The following CC2D1A variants were observed in gnomAD, a reference collection of about 807,000 sequenced individuals.
CC2D1A encodes the protein coiled-coil and C2 domain-containing protein 1A.
Under a neutral mutation model 123.8 loss-of-function variants are expected in CC2D1A, and 68 were observed. That is an observed-to-expected ratio of 0.55 (90% CI 0.45 to 0.67). CC2D1A has a LOEUF of 0.67. Ranked by LOEUF, CC2D1A falls within the 30% of genes least tolerant of loss-of-function variation. CC2D1A has a pLI of 0.00. For missense variants in CC2D1A, 1,185 were observed against 1,290.3 expected (o/e 0.92, Z 1.25); for synonymous variants, 477 against 528.0 (o/e 0.90, Z 1.32).
chr19:13,930,380 G>A lies in CC2D1A; in HGVS notation c.2841G>A (p.Gln947=). 1 of 1,613,008 alleles carries A rather than the reference G, an allele frequency of 6.2e-7. No homozygotes were observed. Among genetic ancestry groups the A allele is most frequent in the Non-Finnish European group, 8.5e-7 (1 of 1,179,394 alleles). ...AGTGGCCTCCTCTCCCCCAGCTGCA[G>A]CGGCTCCGCAGGTGAGGAGCCCATG... is the stretch of plus-strand genomic sequence containing the variant. ...YRRNLVESEL[Q]RLRR Residue 947 remains glutamine, a synonymous_variant, in exon 29 of 29, where the codon CAG becomes CAA. Transcript: ENST00000318003. This position sits in a 1 kb window ranked among gnomAD's most constrained non-coding sequence, Gnocchi z 6.8.
chr19:13,915,717 GCTC>G (rs1326518261), intron 6 of CC2D1A, among the ~76,000 whole-genome samples: 2 of 152,118 alleles, frequency 1.3e-5, no homozygotes, highest in Non-Finnish European at 1.5e-5. Context: ...TTTAGTCCCA[GCTC>G]CTCGAGAAGC....
intron 6 of CC2D1A, 44 bp from the exon 7 acceptor site, chr19:13,918,026 G>A (rs1010933591): frequency 5.9e-5 from 94 of 1,600,362 alleles, no homozygotes; most frequent in Non-Finnish European, 7.7e-5. Flanking sequence ...CGGTGAACTT[G>A]GCCCAGGCCC....
Position 13,906,490 on chromosome 19 carries a change from G to A in CC2D1A, c.49G>A (p.Ala17Thr). Residue 17 changes from alanine (A) to threonine (T), a missense_variant, in exon 1 of 29, where the codon GCC (alanine) becomes ACC (threonine). Physicochemically the swap from Ala to Thr is moderately conservative, Grantham distance 58 (BLOSUM62 0). Coordinates refer to ENST00000318003, the MANE Select transcript of CC2D1A (RefSeq NM_017721.5). This position sits in a 1 kb window ranked among gnomAD's most constrained non-coding sequence, Gnocchi z 4.1. The stretch of plus-strand genomic sequence containing the variant: ...GGGACCCCCGGGCAGAGGCGCCGCG[G>A]CCGCCCGCCAGGTGAGTTTGCGCCC... ...PPGPPGRGAAAARQLGLLVDL... is the reference protein window; with the variant it reads ...PPGPPGRGAATARQLGLLVDL... 1 of 1,495,984 alleles carries A rather than the reference G, an allele frequency of 6.7e-7. No individual in the cohort carries two copies. Among genetic ancestry groups the A allele is most frequent in the South Asian group, 1.3e-5 (1 of 79,688 alleles). The allele number at this position is 1,495,984 out of a possible 1,614,324, so 92.7% of individuals were successfully genotyped here. A position where few individuals can be genotyped will look rare whatever the true frequency, so the allele number is the denominator to read the frequency against.
At chr19:13,908,067 G>A (rs1217710198) in intron 1 of CC2D1A, among the ~76,000 whole-genome samples, 2 of 152,098 alleles carry the variant, frequency 1.3e-5, no homozygotes, top group Non-Finnish European at 2.9e-5. Flanking sequence ...GTGCAGTGGC[G>A]CAATCTCGGC....
rs1042762187 is a variant in CC2D1A, at chr19:13,918,056, G to C, written c.749-14G>C. On this transcript the variant is annotated splice_polypyrimidine_tract_variant and intron_variant, in intron 6 of 28. Transcript: ENST00000318003. ...AGGCCCTGGAGGCTTCCTGTATGTT[G>C]TTCTCCCTTCCAGGTCCCTGCAGCC... is the stretch of plus-strand genomic sequence containing the variant. 1.9e-6 allele frequency: 3 copies of C among 1,612,784 alleles called. No homozygotes were observed.
Position 13,927,052 on chromosome 19 carries a change from A to G in CC2D1A, c.2200A>G (p.Ile734Val), listed in dbSNP as rs1971669485. 6.2e-7 allele frequency: 1 copy of G among 1,613,976 alleles called. No homozygotes were observed. Among genetic ancestry groups the G allele is most frequent in the Admixed American group, 1.7e-5 (1 of 59,984 alleles). The change falls in exon 21 of 29, where the codon ATC (isoleucine) becomes GTC (valine). Residue 734 changes from isoleucine to valine, a missense_variant. Coordinates refer to ENST00000318003, the MANE Select transcript of CC2D1A (RefSeq NM_017721.5). ...GFRRAIQTKG[I>V]KFEVVHKGGL... ...CCGAAGGGCCATCCAGACCAAGGGC[A>G]TCAAGTTCGAAGTGGTTCACAAGGG...
chr19:13,920,222 GT>G, intron 12 of CC2D1A: 1 of 511,942 alleles, frequency 2.0e-6, no homozygotes, highest in Non-Finnish European at 3.4e-6. Context: ...CTGTACGCCA[GT>G]CTGGGTGACA....
At chr19:13,926,908 C>G (rs1250751718) in intron 20 of CC2D1A, 36 bp downstream of exon 20, 1 of 1,612,920 alleles carries the variant, frequency 6.2e-7, no homozygotes, top group Admixed American at 1.7e-5. Context: ...CCCCTACTCC[C>G]TTGCAGCAGA....
chr19:13,909,547 C>T, intron 1 of CC2D1A: 1 of 468,946 alleles, frequency 2.1e-6, no homozygotes, highest in East Asian at 4.6e-5. Context: ...GCCTGCTTTT[C>T]CCACTGAACT....
rs1971343346 is a variant in CC2D1A, at chr19:13,919,727, T to C, written c.1223-91T>C. ...AAAAAAGTAAAGGCCCAAGACTCTATAGGTGGGAGAGGAATCTGCATCTCC... is the reference window on the plus strand; with the variant it reads ...AAAAAAGTAAAGGCCCAAGACTCTACAGGTGGGAGAGGAATCTGCATCTCC... On this transcript the variant is annotated intron_variant, in intron 11 of 28. Transcript: ENST00000318003. The C allele has an allele frequency of 1.3e-5, 17 of 1,355,430 alleles. No individual in the cohort carries two copies. In the South Asian group the frequency reaches 2.5e-4, roughly 20 times the overall value. The allele number at this position is 1,355,430 out of a possible 1,614,324, so 84.0% of individuals were successfully genotyped here.
Position 13,929,541 on chromosome 19 carries a change from C to A in CC2D1A, c.2591C>A (p.Ala864Asp). The change falls in exon 26 of 29, where the codon GCC (alanine) becomes GAC (aspartate). Residue 864 changes from alanine to aspartate, a missense_variant. Ala to Asp is a moderately radical substitution (Grantham distance 126). Transcript: ENST00000318003. ...ACCCTCTGTATCCTCTAGATCCTGG[C>A]CCTCAGGCAGGCGCGGCGGCCGGTG... is the stretch of plus-strand genomic sequence containing the variant. ...DQERLERKIL[A>D]LRQARRPVPP... is the part of the protein sequence containing the mutation. The A allele has an allele frequency of 1.2e-6, 2 of 1,611,866 alleles. No individual in the cohort carries two copies. The highest frequency in any genetic ancestry group is 1.7e-6 in the Non-Finnish European group (2 of 1,179,800).
intron 6 of CC2D1A, among the ~76,000 whole-genome samples, chr19:13,914,973 CAA>C (rs1319821521): frequency 6.6e-6 from 1 of 152,240 alleles, no homozygotes; most frequent in Non-Finnish European, 1.5e-5. Context: ...TGGCAGGAAG[CAA>C]AGAGACAACT....
Position 13,906,297 on chromosome 19 carries a change from A to G in CC2D1A, c.-145A>G. The G allele has an allele frequency of 1.8e-6, 1 of 565,154 alleles. No individual in the cohort carries two copies. 35.0% of individuals were successfully genotyped at this position (565,154 alleles called of 1,614,324 possible). A position where few individuals can be genotyped will look rare whatever the true frequency, so the allele number is the denominator to read the frequency against. On this transcript the variant is annotated 5_prime_UTR_variant, in exon 1 of 29. Coordinates refer to ENST00000318003, the MANE Select transcript of CC2D1A (RefSeq NM_017721.5). The surrounding 1 kb of genome is among the most constrained non-coding windows in gnomAD (Gnocchi z 4.1). ...CGGAAGTGGGACGGCCAAGCAGGGA[A>G]GCGAGGGCTCGGGATCGACGGCCGC...
intron 14 of CC2D1A, among the ~76,000 whole-genome samples, 177 bp downstream of exon 14, chr19:13,921,099 C>T (rs567338690): frequency 6.6e-6 from 1 of 152,352 alleles, no homozygotes; most frequent in Non-Finnish European, 1.5e-5. Context: ...GCATGTACCA[C>T]CCAGGGCAGT....
Position 13,919,966 on chromosome 19 carries a change from G to A in CC2D1A, c.1356+15G>A. 6.2e-7 allele frequency: 1 copy of A among 1,607,706 alleles called. No individual in the cohort carries two copies. The highest frequency in any genetic ancestry group is 1.1e-5 in the South Asian group (1 of 90,588). ...TGCCTAAGAAGGTTTGAGGGTTGGG[G>A]CCGGGCGCAGTGGCTCACACCTGTA... On this transcript the variant is annotated intron_variant, in intron 12 of 28. Coordinates refer to ENST00000318003, the MANE Select transcript of CC2D1A (RefSeq NM_017721.5).
rs1215569994 is a variant in CC2D1A, at chr19:13,906,684, C to T, written c.60+183C>T. ...TGGCCTACTGGCCTTGGCTCCCCAG[C>T]TCCTGGGGCCCTGCCCCGGGTTCGG... is the stretch of plus-strand genomic sequence containing the variant. On this transcript the variant is annotated intron_variant, in intron 1 of 28. Coordinates refer to ENST00000318003, the MANE Select transcript of CC2D1A (RefSeq NM_017721.5). The surrounding 1 kb of genome is among the most constrained non-coding windows in gnomAD (Gnocchi z 4.1). 6.6e-6 allele frequency among the ~76,000 whole-genome samples: 1 copy of T among 152,230 alleles called. No homozygotes were observed. Among genetic ancestry groups the T allele is most frequent in the African/African-American group, 2.4e-5 (1 of 41,462 alleles).
chr19:13,922,248 T>A lies in CC2D1A; in HGVS notation c.1642-1085T>A, dbSNP rs1383397236. 2.0e-5 allele frequency among the ~76,000 whole-genome samples: 3 copies of A among 152,142 alleles called. No homozygotes were observed. The East Asian group carries it at 5.8e-4, about 29-fold the overall frequency. Reference sequence around the variant, plus strand: ...AACTCCTGACCTCAGGCAATCCACCTGCCTCGACCTCCCAAAGTGCTGGGA... The same window carrying A: ...AACTCCTGACCTCAGGCAATCCACCAGCCTCGACCTCCCAAAGTGCTGGGA... On this transcript the variant is annotated intron_variant, in intron 14 of 28. Coordinates refer to ENST00000318003, the MANE Select transcript of CC2D1A (RefSeq NM_017721.5).
At chr19:13,911,318 C>A (rs1970987376) in intron 2 of CC2D1A, among the ~76,000 whole-genome samples, 2 of 152,162 alleles carry the variant, frequency 1.3e-5, no homozygotes, top group Non-Finnish European at 2.9e-5. Context: ...GTCTTCAAAG[C>A]AGCTTTATAG....
Position 13,926,721 on chromosome 19 carries a change from A to G in CC2D1A, c.2069A>G (p.Asn690Ser), listed in dbSNP as rs377380446. 3.6e-5 allele frequency: 58 copies of G among 1,613,980 alleles called. No individual in the cohort carries two copies. The African/African-American group carries it at 4.9e-4, about 14-fold the overall frequency. Reference sequence around the variant, plus strand: ...GTTCGGTTTGACTTCCCCTATCCCAACGTGGTACGTGGGGAGCTGAGGAGG... The same window carrying G: ...GTTCGGTTTGACTTCCCCTATCCCAGCGTGGTACGTGGGGAGCTGAGGAGG... ...VFVRFDFPYP[N>S]VEEAQKDKTS... Residue 690 changes from asparagine (N) to serine (S), a missense_variant, in exon 19 of 29, where the codon AAC becomes AGC. Physicochemically the swap from Asn to Ser is conservative, Grantham distance 46 (BLOSUM62 1). Transcript: ENST00000318003.
Sources: gnomAD v4.1 joint callset for allele counts (sites outside exome capture counted in the v4.1 genomes callset) on GRCh38, gnomAD v4.1.1 for gene constraint, Gnocchi (gnomAD v3.1) non-coding constraint, MANE v1.5 for transcripts, NCBI Gene and HGNC (gene_info 2026-07-23, HGNC 2026-07-21) for gene names.